Variants in COBL observed in about 807,000 individuals in gnomAD.
COBL encodes cordon-bleu WH2 repeat protein, also known as protein cordon-bleu.
In COBL, 51 loss-of-function variants were observed where a neutral mutation model predicts 98.8. That is an observed-to-expected ratio of 0.52 (90% confidence interval 0.41 to 0.65). The LOEUF is 0.65. Ranked by LOEUF, COBL falls within the 30% of genes least tolerant of loss-of-function variation. COBL has a pLI of 0.00. For missense variants in COBL, 1,617 were observed against 1,617.5 expected (o/e 1.00, Z 0.01); for synonymous variants, 634 against 651.7 (o/e 0.97, Z 0.41).
intron 8 of COBL, among the ~76,000 whole-genome samples, chr7:51,039,905 T>C (rs1789000601): frequency 6.6e-6 from 1 of 152,182 alleles, no homozygotes; most frequent in Non-Finnish European, 1.5e-5. Context: ...ACTGGGTCTG[T>C]AACCCACAGG....
intron 1 of COBL, among the ~76,000 whole-genome samples, chr7:51,243,968 A>C (rs2129127368): frequency 6.6e-6 from 1 of 152,302 alleles, no homozygotes; most frequent in East Asian, 1.9e-4. Flanking sequence ...CAGCTTTCTA[A>C]CCTCCTGTGA....
At chr7:51,189,852 A>G (rs184272144) in intron 4 of COBL, among the ~76,000 whole-genome samples, 84 of 152,354 alleles carry the variant, frequency 5.5e-4, no homozygotes, top group Middle Eastern at 6.8e-3. Context: ...GTCAAGGAAT[A>G]TAACATTTCC....
At chr7:51,278,634 C>T (rs1260178573) in intron 1 of COBL, among the ~76,000 whole-genome samples, 3 of 152,138 alleles carry the variant, frequency 2.0e-5, no homozygotes, top group Non-Finnish European at 4.4e-5. Context: ...CCCACCTCAG[C>T]CTCCCAAAGT....
At position 51,017,417 on chromosome 7, in the gene COBL, A is replaced by G; in HGVS notation, c.*134T>C. 1 of 790,458 alleles carries G rather than the reference A, an allele frequency of 1.3e-6. No individual in the cohort carries two copies. Among genetic ancestry groups the G allele is most frequent in the Admixed American group, 2.2e-5 (1 of 46,506 alleles). The allele number at this position is 790,458 out of a possible 1,614,324, so 49.0% of individuals were successfully genotyped here. A position where few individuals can be genotyped will look rare whatever the true frequency, so the allele number is the denominator to read the frequency against. ...GCCGTTATACAGGAACACACCGAAA[A>G]TCAACTGTGCGCATTTGGCCTGTAG... is the stretch of plus-strand genomic sequence containing the variant. On this transcript the variant is annotated 3_prime_UTR_variant, in exon 13 of 13. Coordinates refer to ENST00000265136, the MANE Select transcript of COBL (RefSeq NM_015198.5).
chr7:51,119,933 C>A (rs1797601616), intron 6 of COBL, among the ~76,000 whole-genome samples: 1 of 152,024 alleles, frequency 6.6e-6, no homozygotes, highest in African/African-American at 2.4e-5. Flanking sequence ...CAAAGTTGTA[C>A]AGAAGTTGTG....
chr7:51,189,682 GA>G (rs149080099), intron 4 of COBL, among the ~76,000 whole-genome samples: 10,332 of 151,388 alleles, frequency 0.068, 389 homozygotes, highest in Middle Eastern at 0.14. Context: ...GAAAAAATTA[GA>G]AAAAAAAGTC....
chr7:51,031,177 A>ATATGGTG (rs1788108707), intron 8 of COBL: 1 of 400,900 alleles, frequency 2.5e-6, no homozygotes, highest in Admixed American at 4.3e-5. Flanking sequence ...GACATGTGAT[A>ATATGGTG]TATGGTGTGT....
intron 1 of COBL, among the ~76,000 whole-genome samples, chr7:51,315,713 C>G (rs185419832): frequency 1.3e-5 from 2 of 152,202 alleles, no homozygotes; most frequent in African/African-American, 4.8e-5. Context: ...CACCGCTGGC[C>G]GGGATGAGCA....
At chr7:51,038,678 T>C (rs1383873531) in intron 8 of COBL, among the ~76,000 whole-genome samples, 1 of 152,208 alleles carries the variant, frequency 6.6e-6, no homozygotes, top group African/African-American at 2.4e-5. Flanking sequence ...CTTGGCCAAG[T>C]TGATAAACTA....
chr7:51,288,647 G>A (rs188091346), intron 1 of COBL, among the ~76,000 whole-genome samples: 25 of 152,030 alleles, frequency 1.6e-4, no homozygotes, highest in African/African-American at 1.4e-4. Context: ...CCAGCTACTC[G>A]GGAGGCTGAG....
At chr7:51,225,969 A>G (rs1794139741) in intron 1 of COBL, among the ~76,000 whole-genome samples, 1 of 152,208 alleles carries the variant, frequency 6.6e-6, no homozygotes, top group South Asian at 2.1e-4. Flanking sequence ...TGCATGCTGA[A>G]AAGGGAAAAT....
intron 1 of COBL, among the ~76,000 whole-genome samples, chr7:51,224,684 A>T (rs1794011572): frequency 6.6e-6 from 1 of 151,874 alleles, no homozygotes; most frequent in Non-Finnish European, 1.5e-5. Flanking sequence ...TTTTATTATT[A>T]TTTTTTCTTT....
At chr7:51,230,640 C>T (rs556648741) in intron 1 of COBL, among the ~76,000 whole-genome samples, 1 of 152,360 alleles carries the variant, frequency 6.6e-6, no homozygotes, top group African/African-American at 2.4e-5. Context: ...TTTCCACACA[C>T]TGAAGATGAA....
chr7:51,184,077 A>C, intron 5 of COBL, 25 bp downstream of exon 5: 2 of 1,180,242 alleles, frequency 1.7e-6, no homozygotes, highest in Non-Finnish European at 2.4e-6. Flanking sequence ...ATGATACAAA[A>C]TCATATGTGT....
Position 51,027,720 on chromosome 7 carries a change from G to A in COBL, c.3376C>T (p.Leu1126=), listed in dbSNP as rs199662652. The A allele has an allele frequency of 6.2e-7, 1 of 1,612,528 alleles. No homozygotes were observed. Among genetic ancestry groups the A allele is most frequent in the East Asian group, 2.2e-5 (1 of 44,872 alleles). Residue 1126 remains leucine (L), a synonymous_variant, in exon 10 of 13, where the codon CTA becomes TTA. Transcript: ENST00000265136. The stretch of plus-strand genomic sequence containing the variant: ...GAAGCCGCCATCCTCACCTTGCGTA[G>A]TCTGTCCTTCCCTCCCGCAGAGTGG... ...AIHSAGGKDR[L]RKTAEHTGEG...
At chr7:51,298,480 T>G (rs1277707469) in intron 1 of COBL, among the ~76,000 whole-genome samples, 1 of 152,240 alleles carries the variant, frequency 6.6e-6, no homozygotes, top group Non-Finnish European at 1.5e-5. Context: ...CCACCATTTC[T>G]GAGCTCTGAC....
intron 6 of COBL, among the ~76,000 whole-genome samples, chr7:51,117,643 G>A (rs1797395167): frequency 6.6e-6 from 1 of 152,044 alleles, no homozygotes; most frequent in Admixed American, 6.6e-5. Context: ...ACAGTTACAA[G>A]CAGTCGTAAA....
At chr7:51,097,794 C>T (rs1472860973) in intron 6 of COBL, among the ~76,000 whole-genome samples, 6 of 151,954 alleles carry the variant, frequency 3.9e-5, no homozygotes, top group African/African-American at 4.8e-5. Flanking sequence ...GAGGCCGAGG[C>T]GGGTGGATCA....
chr7:51,236,921 G>A (rs1321755761), intron 1 of COBL, among the ~76,000 whole-genome samples: 1 of 152,146 alleles, frequency 6.6e-6, no homozygotes, highest in Non-Finnish European at 1.5e-5. Context: ...CAACGGTCTC[G>A]CCTCTTCACA....
Sources: allele counts gnomAD v4.1 joint callset (sites outside exome capture counted in the v4.1 genomes callset), GRCh38; gene constraint gnomAD v4.1.1; transcripts MANE v1.5; gene names NCBI Gene and HGNC (gene_info 2026-07-23, HGNC 2026-07-21).